PMFBP1: variants seen among roughly 807,000 people sequenced by gnomAD.
PMFBP1 encodes the protein polyamine-modulated factor 1-binding protein 1.
PMFBP1 carries 131 observed loss-of-function variants against 137.8 expected under a neutral mutation model. The ratio of observed to expected loss-of-function variants is 0.95; its 90% CI spans 0.82 to 1.10. PMFBP1 has a LOEUF of 1.10. Ranked by LOEUF, PMFBP1 falls within the 50% of genes least tolerant of loss-of-function variation. PMFBP1 has a pLI of 0.00. For missense variants in PMFBP1, 1,199 were observed against 1,175.4 expected (o/e 1.02, Z -0.29); for synonymous variants, 490 against 450.4 (o/e 1.09, Z -1.11).
intron 3 of PMFBP1, among the ~76,000 whole-genome samples, chr16:72,157,210 AACC>A (rs1567638281): frequency 1.7e-5 from 2 of 117,016 alleles, no homozygotes; most frequent in Non-Finnish European, 2.1e-5. Context: ...AAAAAAAAAA[AACC>A]AGACAAAATC....
chr16:72,119,046 G>T, downstream of PMFBP1: 1 of 354,936 alleles, frequency 2.8e-6, no homozygotes, highest in Non-Finnish European at 5.1e-6. Context: ...TGTTGCTGGG[G>T]GATTGCGGGG....
chr16:72,130,196 C>T lies in PMFBP1; in HGVS notation c.1782+17G>A, dbSNP rs1015850785. 4.3e-6 allele frequency: 7 copies of T among 1,609,864 alleles called. No homozygotes were observed. Among genetic ancestry groups the T allele is most frequent in the African/African-American group, 1.3e-5 (1 of 75,032 alleles). On this transcript the variant is annotated intron_variant, in intron 12 of 20. Coordinates refer to ENST00000237353, the MANE Select transcript of PMFBP1 (RefSeq NM_031293.3). ...CAGAGCAAGCACTTGAATGGGCCAT[C>T]TGCCTGCCCGTCATACCTGGTGCTT... is the stretch of plus-strand genomic sequence containing the variant.
the PMFBP1 span, among the ~76,000 whole-genome samples, chr16:72,231,423 C>T: frequency 1.3e-5 from 2 of 152,030 alleles, no homozygotes; most frequent in Non-Finnish European, 2.9e-5. Flanking sequence ...ACATCCACTG[C>T]CTGAAGGTTA....
At chr16:72,142,661 A>T (rs2144362388) in intron 5 of PMFBP1, among the ~76,000 whole-genome samples, 1 of 152,370 alleles carries the variant, frequency 6.6e-6, no homozygotes, top group African/African-American at 2.4e-5. Context: ...GCCACCCACA[A>T]TTGTTTCTGA....
the PMFBP1 span, among the ~76,000 whole-genome samples, chr16:72,227,057 TTC>T: frequency 6.6e-6 from 1 of 152,178 alleles, no homozygotes; most frequent in Non-Finnish European, 1.5e-5. Context: ...TTTAATATGT[TTC>T]TTTTATGCCC....
At chr16:72,139,232 G>A (rs2042678510) in intron 7 of PMFBP1, 57 bp downstream of exon 7, 1 of 1,257,472 alleles carries the variant, frequency 8.0e-7, no homozygotes, top group Non-Finnish European at 1.1e-6. Context: ...GGAAAGCCCA[G>A]AATCAAACCC....
chr16:72,184,919 G>A, the PMFBP1 span, among the ~76,000 whole-genome samples: 1 of 152,208 alleles, frequency 6.6e-6, no homozygotes, highest in South Asian at 2.1e-4. Context: ...CTAGAGATAC[G>A]ATCATGTCAT....
intron 10 of PMFBP1, 123 bp from the exon 11 acceptor site, chr16:72,130,845 A>C: frequency 1.2e-6 from 1 of 814,126 alleles, no homozygotes; most frequent in Non-Finnish European, 1.9e-6. Context: ...GTCTGTCCTC[A>C]TTTCTCTCCA....
chr16:72,194,434 C>T, the PMFBP1 span, among the ~76,000 whole-genome samples: 4 of 152,184 alleles, frequency 2.6e-5, no homozygotes, highest in South Asian at 2.1e-4. Context: ...TCAAGCGATT[C>T]GTTGCATTTT....
At chr16:72,141,325 C>T (rs776119027) in intron 5 of PMFBP1, among the ~76,000 whole-genome samples, 10 of 152,136 alleles carry the variant, frequency 6.6e-5, no homozygotes, top group Non-Finnish European at 1.5e-4. Flanking sequence ...ACTTGTTGAT[C>T]TATCTTACTC....
intron 5 of PMFBP1, among the ~76,000 whole-genome samples, chr16:72,144,035 C>A (rs2042764824): frequency 2.0e-5 from 3 of 151,698 alleles, no homozygotes; most frequent in Admixed American, 2.0e-4. Context: ...GAGCGAAACT[C>A]CATCTCAAAA....
upstream of PMFBP1, among the ~76,000 whole-genome samples, chr16:72,173,200 C>T (rs754449256): frequency 6.6e-6 from 1 of 152,184 alleles, no homozygotes; most frequent in African/African-American, 2.4e-5. Flanking sequence ...TCTTTCCTAG[C>T]TTTAAAGTTC....
intron 5 of PMFBP1, 41 bp from the exon 6 acceptor site, chr16:72,140,623 TTG>T: frequency 6.4e-7 from 1 of 1,552,222 alleles, no homozygotes; most frequent in African/African-American, 1.4e-5. Flanking sequence ...TGCTTATAGT[TTG>T]TGAGTTACTT....
chr16:72,124,750 A>G lies in PMFBP1; in HGVS notation c.2589+17T>C, dbSNP rs746087489. On this transcript the variant is annotated intron_variant, in intron 17 of 20. Coordinates refer to ENST00000237353, the MANE Select transcript of PMFBP1 (RefSeq NM_031293.3). ...GAGGCACTGAGAGGAGGCACGCAGA[A>G]GCCAAGGCATGCCCACCTCCTTATC... 1.9e-6 allele frequency: 3 copies of G among 1,610,474 alleles called. No homozygotes were observed. The South Asian group carries it at 3.3e-5, about 18-fold the overall frequency.
At chr16:72,177,277 A>G (rs573377372), upstream of PMFBP1, among the ~76,000 whole-genome samples, 3 of 152,164 alleles carry the variant, frequency 2.0e-5, no homozygotes, top group Non-Finnish European at 4.4e-5. Flanking sequence ...TCCCTAAACT[A>G]CATGTCACAT....
chr16:72,201,707 T>C, the PMFBP1 span, among the ~76,000 whole-genome samples: 1 of 152,320 alleles, frequency 6.6e-6, no homozygotes, highest in East Asian at 1.9e-4. Flanking sequence ...CCCATTTCCA[T>C]CCCAGAAAAG....
At chr16:72,216,242 G>A in the PMFBP1 span, among the ~76,000 whole-genome samples, 1 of 152,194 alleles carries the variant, frequency 6.6e-6, no homozygotes, top group African/African-American at 2.4e-5. Context: ...GAGGAGAGCT[G>A]CCCTACGACA....
chr16:72,161,550 TGACA>T (rs2043062411), intron 3 of PMFBP1, among the ~76,000 whole-genome samples: 2 of 152,118 alleles, frequency 1.3e-5, no homozygotes, highest in South Asian at 4.1e-4. Flanking sequence ...TCTGCTTGCC[TGACA>T]TTCACTTTAA....
the PMFBP1 span, among the ~76,000 whole-genome samples, chr16:72,219,732 T>C: frequency 6.6e-6 from 1 of 152,144 alleles, no homozygotes; most frequent in Non-Finnish European, 1.5e-5. Context: ...TTTGGAATTA[T>C]CAACATAAAG....
Sources: gnomAD v4.1 joint callset for allele counts (sites outside exome capture counted in the v4.1 genomes callset) on GRCh38, gnomAD v4.1.1 for gene constraint, MANE v1.5 for transcripts, NCBI Gene and HGNC (gene_info 2026-07-23, HGNC 2026-07-21) for gene names.